Variants in DNAI1 observed in about 807,000 individuals in gnomAD.
The protein encoded by DNAI1 is dynein axonemal intermediate chain 1.
In DNAI1, 67 loss-of-function variants were observed where a neutral mutation model predicts 92.0. That is an observed-to-expected ratio of 0.73 (90% CI 0.60 to 0.89). DNAI1 has a LOEUF of 0.89. DNAI1 is among the 40% of genes least tolerant of loss of function. The pLI is 0.00. For synonymous variants in DNAI1, 323 were observed against 319.6 expected, an observed-to-expected ratio of 1.01 and a Z score of -0.11; for missense variants, 839 against 866.6, an observed-to-expected ratio of 0.97 and a Z score of 0.40.
chr9:34,472,879 C>T (rs915809998), intron 1 of DNAI1, among the ~76,000 whole-genome samples: 2 of 150,550 alleles, frequency 1.3e-5, no homozygotes, highest in Non-Finnish European at 2.9e-5. Context: ...TCTAGCTTGG[C>T]GATGGAGTAA....
At chr9:34,492,701 G>A (rs964686288) in intron 8 of DNAI1, among the ~76,000 whole-genome samples, 1 of 151,132 alleles carries the variant, frequency 6.6e-6, no homozygotes, top group Non-Finnish European at 1.5e-5. Flanking sequence ...TGTATTTTTT[G>A]TAGAGATGGA....
chr9:34,475,366 G>A (rs1026904184), intron 1 of DNAI1, among the ~76,000 whole-genome samples: 4 of 152,180 alleles, frequency 2.6e-5, no homozygotes, highest in Admixed American at 6.5e-5. Context: ...GCTTTGAAGA[G>A]CCCCTCTTTC....
At chr9:34,491,654 C>A in intron 8 of DNAI1, 100 bp downstream of exon 8, 5 of 1,300,190 alleles carry the variant, frequency 3.8e-6, no homozygotes, top group Non-Finnish European at 4.4e-6. Context: ...GCTCCTCTGG[C>A]AGTCTGCCCT....
intron 19 of DNAI1, among the ~76,000 whole-genome samples, chr9:34,518,366 C>T (rs1202476944): frequency 6.6e-6 from 1 of 152,270 alleles, no homozygotes; most frequent in Non-Finnish European, 1.5e-5. Context: ...GGCACCATCC[C>T]TCTGGTGCTG....
chr9:34,489,278 G>A (rs1824532603), intron 4 of DNAI1, 45 bp from the exon 5 acceptor site: 1 of 1,611,490 alleles, frequency 6.2e-7, no homozygotes, highest in Admixed American at 1.7e-5. Flanking sequence ...TTTGACTCCA[G>A]CTCTTTTAGG....
In DNAI1 at chr9:34,500,747, T is replaced by A; in HGVS notation, c.927T>A (p.Ala309=). The change falls in exon 11 of 20, where the codon GCT becomes GCA. Residue 309 remains alanine (A), a synonymous_variant. Coordinates refer to ENST00000242317, the MANE Select transcript of DNAI1 (RefSeq NM_012144.4). ...ATTTTAAGTACTATGACGATGCTGC[T>A]GATGAATACCGGGACCAGGTGGGTA... ...AQDFKYYDDA[A]DEYRDQVGTL... is the part of the protein sequence containing the mutation. 6.2e-7 allele frequency: 1 copy of A among 1,614,034 alleles called. No homozygotes were observed. Among genetic ancestry groups the A allele is most frequent in the Non-Finnish European group, 8.5e-7 (1 of 1,179,964 alleles).
Position 34,485,143 on chromosome 9 carries a change from A to T in DNAI1, c.83A>T (p.Asp28Val), listed in dbSNP as rs770595027. 3.1e-6 allele frequency: 5 copies of T among 1,614,162 alleles called. No individual in the cohort carries two copies. In the South Asian group the frequency reaches 5.5e-5, roughly 18 times the overall value. Residue 28 changes from aspartate to valine, a missense_variant and splice_region_variant, in exon 3 of 20, where the codon GAT becomes GTT. Asp to Val is a radical substitution (Grantham distance 152). Coordinates refer to ENST00000242317, the MANE Select transcript of DNAI1 (RefSeq NM_012144.4). ...GCCTCATGTGAGGTTTTTGTCTAGG[A>T]TGAAGATTCAGGGACTGAAGTGGGA... ...ISIGRGTRKR[D>V]EDSGTEVGEG... is the part of the protein sequence containing the mutation.
At chr9:34,504,653 C>G (rs1331096918) in intron 12 of DNAI1, among the ~76,000 whole-genome samples, 1 of 152,192 alleles carries the variant, frequency 6.6e-6, no homozygotes, top group Non-Finnish European at 1.5e-5. Context: ...CTCTTATTTC[C>G]ACACTGTTTA....
chr9:34,487,759 T>C (rs568751133), intron 4 of DNAI1, among the ~76,000 whole-genome samples: 3 of 152,268 alleles, frequency 2.0e-5, no homozygotes, highest in East Asian at 3.9e-4. Context: ...CCAAGTCTTC[T>C]GGGAAAGCTC....
rs1030019140 is a variant in DNAI1 at position 34,493,308 on chromosome 9, C to T, written c.796C>T (p.Leu266=). The stretch of plus-strand genomic sequence containing the variant: ...ATCAGGGAAGATGGCCATGAGGAAG[C>T]TGACATCTATGGAGTCTCAGGTTTG... The part of the protein sequence containing the change: ...KKSGKMAMRK[L]TSMESQTDDL... Residue 266 remains leucine, a synonymous_variant, in exon 9 of 20, where the codon CTG becomes TTG. Transcript: ENST00000242317. 2 of 1,614,114 alleles carry T rather than the reference C, an allele frequency of 1.2e-6. No individual in the cohort carries two copies. Among genetic ancestry groups the T allele is most frequent in the Non-Finnish European group, 1.7e-6 (2 of 1,179,960 alleles).
At chr9:34,473,183 C>T (rs545040083) in intron 1 of DNAI1, among the ~76,000 whole-genome samples, 2 of 151,798 alleles carry the variant, frequency 1.3e-5, no homozygotes, top group South Asian at 4.1e-4. Context: ...ATTTTTTCAA[C>T]AATATACTAT....
intron 2 of DNAI1, among the ~76,000 whole-genome samples, chr9:34,484,708 G>A (rs1019371538): frequency 1.3e-5 from 2 of 152,208 alleles, no homozygotes; most frequent in Non-Finnish European, 2.9e-5. Flanking sequence ...CCTTAAGGTG[G>A]TAGTTGGGAA....
At chr9:34,513,852 C>T (rs1230124096) in intron 16 of DNAI1, among the ~76,000 whole-genome samples, 2 of 152,116 alleles carry the variant, frequency 1.3e-5, no homozygotes, top group Non-Finnish European at 2.9e-5. Flanking sequence ...ACACTGTCTT[C>T]TGGAGGGAGG....
chr9:34,497,936 G>C (rs1014977662), intron 10 of DNAI1, among the ~76,000 whole-genome samples: 3 of 152,212 alleles, frequency 2.0e-5, no homozygotes, highest in Non-Finnish European at 4.4e-5. Flanking sequence ...AGGCGGAAGA[G>C]GTTGTTGGAG....
chr9:34,511,359 A>T (rs1825061805), intron 13 of DNAI1, among the ~76,000 whole-genome samples: 2 of 152,204 alleles, frequency 1.3e-5, no homozygotes, highest in South Asian at 4.1e-4. Flanking sequence ...CCTGATTTGC[A>T]GTTGGAGAAA....
In DNAI1 at chr9:34,520,582, G is replaced by A. The variant is rs548436310; in HGVS notation, c.2002-76G>A. On this transcript the variant is annotated intron_variant, in intron 19 of 19. Coordinates refer to ENST00000242317, the MANE Select transcript of DNAI1 (RefSeq NM_012144.4). ...GGTAGGGCACAGCTGGACAGGCTGG[G>A]CAGAGGAGGTGGTGCTGGGACCCAG... 160 of 1,349,450 alleles carry A rather than the reference G, an allele frequency of 1.2e-4. No individual in the cohort carries two copies. The African/African-American group carries it at 2.1e-3, about 17-fold the overall frequency. 83.6% of individuals were successfully genotyped at this position (1,349,450 alleles called of 1,614,324 possible). A position where few individuals can be genotyped will look rare whatever the true frequency, so the allele number is the denominator to read the frequency against.
chr9:34,490,927 C>T (rs936174851), intron 7 of DNAI1, among the ~76,000 whole-genome samples: 8 of 152,162 alleles, frequency 5.3e-5, no homozygotes, highest in Non-Finnish European at 8.8e-5. Flanking sequence ...AGCCTCTCAG[C>T]GTTTCAGGTG....
At chr9:34,503,259 T>A (rs1246336350) in intron 12 of DNAI1, among the ~76,000 whole-genome samples, 2 of 152,160 alleles carry the variant, frequency 1.3e-5, no homozygotes, top group Non-Finnish European at 2.9e-5. Flanking sequence ...CCTGCATCCA[T>A]CCTGAGCTTG....
In DNAI1 at chr9:34,490,499, C is replaced by A; in HGVS notation, c.621+11C>A. ...AACAACCCTGTCCGGGTAGAGCAGC[C>A]CCCACCCTAGCCCCTTTGCAGCTCT... On this transcript the variant is annotated intron_variant, in intron 7 of 19. Coordinates refer to ENST00000242317, the MANE Select transcript of DNAI1 (RefSeq NM_012144.4). 1 of 1,613,842 alleles carries A rather than the reference C, an allele frequency of 6.2e-7. No individual in the cohort carries two copies. The highest frequency in any genetic ancestry group is 1.1e-5 in the South Asian group (1 of 91,072).
Sources: gnomAD v4.1 joint callset for allele counts (sites outside exome capture counted in the v4.1 genomes callset) on GRCh38, gnomAD v4.1.1 for gene constraint, MANE v1.5 for transcripts, NCBI Gene and HGNC (gene_info 2026-07-23, HGNC 2026-07-21) for gene names.